PCDHGA12: variants seen among roughly 807,000 people sequenced by gnomAD.
The protein encoded by PCDHGA12 is protocadherin gamma-A12.
Under a neutral mutation model 61.1 loss-of-function variants are expected in PCDHGA12, and 43 were observed. That is an observed-to-expected ratio of 0.70 (90% confidence interval 0.55 to 0.91). The LOEUF (loss-of-function observed/expected upper bound fraction) is 0.91. Among genes scored for constraint, PCDHGA12 ranks in the 40% least tolerant of loss-of-function variants. The probability of loss-of-function intolerance (pLI) is 0.00; values close to 1 mark genes in which losing one functional copy is unlikely to be tolerated. For missense variants in PCDHGA12, 1,236 were observed against 1,227.7 expected (o/e 1.01, Z -0.10); for synonymous variants, 520 against 542.9 (o/e 0.96, Z 0.59).
chr5:141,485,340 C>A lies in PCDHGA12; in HGVS notation c.2425-9467C>A. 1 of 1,614,076 alleles carries A rather than the reference C, an allele frequency of 6.2e-7. No individual in the cohort carries two copies. On this transcript the variant is annotated intron_variant, in intron 1 of 3. Transcript: ENST00000252085. The surrounding 1 kb of genome is among the most constrained non-coding windows in gnomAD (Gnocchi z 5.7). ...GTCGCTCAAGATTTCCTGCTGGATA[C>A]GGACAGTCTGTCAGCTCGCAGGCTG...
Position 141,432,880 on chromosome 5 carries a change from C to T in PCDHGA12, c.2121C>T (p.Phe707=), listed in dbSNP as rs865848752. ...CGGTCTCCTGCGTCTTCCTGGCCTT[C>T]GTCATCTTGCTGCTGGCGCTCAGGC... ...VAAVSCVFLA[F]VILLLALRLR... is the part of the protein sequence containing the mutation. The change falls in exon 1 of 4, where the codon TTC becomes TTT. Residue 707 remains phenylalanine, a synonymous_variant. Transcript: ENST00000252085. The surrounding 1 kb of genome is among the most constrained non-coding windows in gnomAD (Gnocchi z 6.0). 1 of 1,614,194 alleles carries T rather than the reference C, an allele frequency of 6.2e-7. No individual in the cohort carries two copies. Among genetic ancestry groups the T allele is most frequent in the Non-Finnish European group, 8.5e-7 (1 of 1,180,008 alleles).
intron 1 of PCDHGA12, among the ~76,000 whole-genome samples, chr5:141,467,820 G>T (rs1278112158): frequency 6.6e-6 from 1 of 151,884 alleles, no homozygotes; most frequent in African/African-American, 2.4e-5. Flanking sequence ...CACCACACCA[G>T]GCTGATTTTT....
intron 1 of PCDHGA12, among the ~76,000 whole-genome samples, chr5:141,473,057 A>G (rs2099313037): frequency 2.6e-5 from 4 of 152,056 alleles, no homozygotes; most frequent in Non-Finnish European, 5.9e-5. Flanking sequence ...AAGTGATACA[A>G]CAAGTTACAG....
chr5:141,483,245 A>G (rs2099578786), intron 1 of PCDHGA12, among the ~76,000 whole-genome samples: 1 of 151,456 alleles, frequency 6.6e-6, no homozygotes, highest in Non-Finnish European at 1.5e-5. Flanking sequence ...TGATATGCAT[A>G]TATCATGAGG....
Position 141,477,443 on chromosome 5 carries a change from G to C in PCDHGA12, c.2425-17364G>C. The C allele has an allele frequency of 6.2e-7, 1 of 1,614,136 alleles. No individual in the cohort carries two copies. Among genetic ancestry groups the C allele is most frequent in the Non-Finnish European group, 8.5e-7 (1 of 1,180,024 alleles). ...CCCTTCCCTCTCAGCCCTTACAATA[G>C]TGCGTGTTCAAGTGTCCGACATCAA... On this transcript the variant is annotated intron_variant, in intron 1 of 3. Coordinates refer to ENST00000252085, the MANE Select transcript of PCDHGA12 (RefSeq NM_003735.3). This position sits in a 1 kb window ranked among gnomAD's most constrained non-coding sequence, Gnocchi z 4.9.
chr5:141,446,528 G>A (rs2098505974), intron 1 of PCDHGA12, among the ~76,000 whole-genome samples: 1 of 151,952 alleles, frequency 6.6e-6, no homozygotes, highest in South Asian at 2.1e-4. Flanking sequence ...CCAGGCTGGA[G>A]TGCAGTGGCC....
At chr5:141,460,961 ATGTGTG>A (rs35821115) in intron 1 of PCDHGA12, among the ~76,000 whole-genome samples, 6 of 144,616 alleles carry the variant, frequency 4.1e-5, no homozygotes, top group South Asian at 4.4e-4. Flanking sequence ...GTATATATAT[ATGTGTG>A]TGTGTGTGTG....
In PCDHGA12 at chr5:141,485,146, G is replaced by C; in HGVS notation, c.2425-9661G>C. 6.4e-7 allele frequency: 1 copy of C among 1,569,470 alleles called. No individual in the cohort carries two copies. Among genetic ancestry groups the C allele is most frequent in the Non-Finnish European group, 8.7e-7 (1 of 1,143,568 alleles). On this transcript the variant is annotated intron_variant, in intron 1 of 3. Transcript: ENST00000252085. The surrounding 1 kb of genome is among the most constrained non-coding windows in gnomAD (Gnocchi z 5.7). Reference sequence around the variant, plus strand: ...GGTCGGCTTCATCCGCGTCTCAGGAGCAAGTAGAGAATTAGCGGGCGGCAG... The same window carrying C: ...GGTCGGCTTCATCCGCGTCTCAGGACCAAGTAGAGAATTAGCGGGCGGCAG...
chr5:141,470,016 C>T (rs116065751), intron 1 of PCDHGA12, among the ~76,000 whole-genome samples: 69 of 152,264 alleles, frequency 4.5e-4, no homozygotes, highest in Non-Finnish European at 7.2e-4. Flanking sequence ...GTAATCCCAG[C>T]TACTCGGGAT....
In PCDHGA12 at chr5:141,431,940, T is replaced by G; in HGVS notation, c.1181T>G (p.Leu394Ter). ...ATCCAAGGAAATCTGCCCTTTAAAT[T>G]AGAAAAATCTTACGGAAATTACTAT... ...CFIQGNLPFK[L>*]EKSYGNYYSL... is the part of the protein sequence containing the mutation. Residue 394 changes from leucine (L) to a stop codon, truncating the protein, a stop_gained, in exon 1 of 4, where the codon TTA becomes TGA. Coordinates refer to ENST00000252085, the MANE Select transcript of PCDHGA12 (RefSeq NM_003735.3). LOFTEE classifies it high-confidence loss of function. The surrounding 1 kb of genome is among the most constrained non-coding windows in gnomAD (Gnocchi z 4.8). 2 of 1,614,132 alleles carry G rather than the reference T, an allele frequency of 1.2e-6. No homozygotes were observed. Among genetic ancestry groups the G allele is most frequent in the Non-Finnish European group, 1.7e-6 (2 of 1,179,998 alleles).
intron 1 of PCDHGA12, among the ~76,000 whole-genome samples, chr5:141,460,173 A>C (rs2098983888): frequency 6.6e-6 from 1 of 152,004 alleles, no homozygotes; most frequent in Admixed American, 6.6e-5. Flanking sequence ...TATTTTGTGG[A>C]TATTTTATCC....
chr5:141,491,434 A>G lies in PCDHGA12; in HGVS notation c.2425-3373A>G, dbSNP rs1362196179. The G allele has an allele frequency of 6.2e-7, 1 of 1,614,032 alleles. No individual in the cohort carries two copies. ...GGACGGGGGTGGAGGGCAGTGCTGC[A>G]GGCGCCAGGACTCACCCTCCCCGGA... On this transcript the variant is annotated intron_variant, in intron 1 of 3. Coordinates refer to ENST00000252085, the MANE Select transcript of PCDHGA12 (RefSeq NM_003735.3). The surrounding 1 kb of genome is among the most constrained non-coding windows in gnomAD (Gnocchi z 6.9).
chr5:141,476,137 G>A lies in PCDHGA12; in HGVS notation c.2425-18670G>A. The A allele has an allele frequency of 1.2e-6, 2 of 1,609,204 alleles. No homozygotes were observed. The highest frequency in any genetic ancestry group is 1.7e-6 in the Non-Finnish European group (2 of 1,178,592). On this transcript the variant is annotated intron_variant, in intron 1 of 3. Coordinates refer to ENST00000252085, the MANE Select transcript of PCDHGA12 (RefSeq NM_003735.3). The surrounding 1 kb of genome is among the most constrained non-coding windows in gnomAD (Gnocchi z 7.6). ...GTGAGATGGTCCCAGAGGCCTGGAGGAGCGGACTGGTAAGCACCGGGAGGG... is the reference window on the plus strand; with the variant it reads ...GTGAGATGGTCCCAGAGGCCTGGAGAAGCGGACTGGTAAGCACCGGGAGGG...
intron 1 of PCDHGA12, among the ~76,000 whole-genome samples, chr5:141,456,250 C>T (rs1244300374): frequency 4.6e-5 from 7 of 152,014 alleles, no homozygotes; most frequent in African/African-American, 1.7e-4. Context: ...AGGCTTTGGG[C>T]GACCATTGCT....
At chr5:141,455,903 ATTTATTT>A (rs2098836354) in intron 1 of PCDHGA12, among the ~76,000 whole-genome samples, 1 of 145,228 alleles carries the variant, frequency 6.9e-6, no homozygotes, top group African/African-American at 2.7e-5. Context: ...TTATTTATTT[ATTTATTT>A]ATTTTGAGAC....
intron 1 of PCDHGA12, among the ~76,000 whole-genome samples, chr5:141,484,454 G>A (rs932663778): frequency 6.6e-6 from 1 of 152,212 alleles, no homozygotes; most frequent in African/African-American, 2.4e-5. Context: ...AATTGGCTAC[G>A]TTAATGTGTA....
chr5:141,494,897 C>T (rs1194879883), intron 2 of PCDHGA12, 32 bp downstream of exon 2: 2 of 1,614,122 alleles, frequency 1.2e-6, no homozygotes, highest in South Asian at 2.2e-5. Flanking sequence ...CCACCCTCTT[C>T]TCTGCGGCAT....
rs1035125527 is a variant in PCDHGA12, at chr5:141,485,059, C to T, written c.2425-9748C>T. The T allele has an allele frequency of 7.0e-6, 6 of 858,958 alleles. No homozygotes were observed. The highest frequency in any genetic ancestry group is 2.4e-5 in the East Asian group (1 of 40,854). 53.2% of individuals were successfully genotyped at this position (858,958 alleles called of 1,614,324 possible). A position where few individuals can be genotyped will look rare whatever the true frequency, so the allele number is the denominator to read the frequency against. ...AACCCTTGCGGCGCCGGCCGAACCG[C>T]GCCAGAGCTGGCGCGGGGAAAGGGA... On this transcript the variant is annotated intron_variant, in intron 1 of 3. Coordinates refer to ENST00000252085, the MANE Select transcript of PCDHGA12 (RefSeq NM_003735.3). This position sits in a 1 kb window ranked among gnomAD's most constrained non-coding sequence, Gnocchi z 5.7.
At chr5:141,438,334 A>G (rs756299924) in intron 1 of PCDHGA12, among the ~76,000 whole-genome samples, 6 of 151,946 alleles carry the variant, frequency 3.9e-5, no homozygotes, top group Non-Finnish European at 7.4e-5. Context: ...TATACATGTC[A>G]TATAAGGATC....
Sources: gnomAD v4.1 joint callset for allele counts (sites outside exome capture counted in the v4.1 genomes callset) on GRCh38, gnomAD v4.1.1 for gene constraint, Gnocchi (gnomAD v3.1) non-coding constraint, MANE v1.5 for transcripts, NCBI Gene and HGNC (gene_info 2026-07-23, HGNC 2026-07-21) for gene names.